The following PCDH11X variants were observed in gnomAD, a reference collection of about 807,000 sequenced individuals.
PCDH11X encodes protocadherin-11 X-linked.
Under a neutral mutation model 53.3 loss-of-function variants are expected in PCDH11X, and 18 were observed. The ratio of observed to expected loss-of-function variants is 0.34; its 90% CI spans 0.23 to 0.50. The LOEUF is 0.50. Among genes scored for constraint, PCDH11X ranks in the 20% least tolerant of loss-of-function variants. The pLI is 0.98. For missense variants in PCDH11X, 570 were observed against 1,032.4 expected, an observed-to-expected ratio of 0.55 and a Z score of 6.14; for synonymous variants, 279 against 393.3, an observed-to-expected ratio of 0.71 and a Z score of 3.44.
rs780482413 is a variant in PCDH11X at position 92,493,646 on chromosome X, C to CTTT, written c.3367+25340_3367+25342dup. 4.7e-3 allele frequency among the ~76,000 whole-genome samples: 393 copies of CTTT among 83,833 alleles called. 9 individuals are homozygous for CTTT. Among genetic ancestry groups the CTTT allele is most frequent in the Admixed American group, 0.014 (95 of 6,898 alleles). The allele number at this position is 83,833 out of a possible 115,157, so 72.8% of individuals were successfully genotyped here. A position where few individuals can be genotyped will look rare whatever the true frequency, so the allele number is the denominator to read the frequency against. ...ACTTACATAATGTTTGCCCCCTTAA[C>CTTT]TTTTTTTTTTTTTTTTTTGAGACAG... is the stretch of plus-strand genomic sequence containing the variant. On this transcript the variant is annotated intron_variant, in intron 10 of 10. Transcript: ENST00000682573.
Position 92,344,595 on chromosome X carries a change from G to A in PCDH11X, c.3145-43140G>A, listed in dbSNP as rs191754768. Among the ~76,000 whole-genome samples the A allele has an allele frequency of 4.9e-3, 504 of 101,819 alleles. 4 individuals carry two copies. The highest frequency in any genetic ancestry group is 0.016 in the African/African-American group (445 of 26,977). The allele number at this position is 101,819 out of a possible 115,157, so 88.4% of individuals were successfully genotyped here. A position where few individuals can be genotyped will look rare whatever the true frequency, so the allele number is the denominator to read the frequency against. ...CATAGTTGTACTATAGAATTGCATC[G>A]TAGAAATATTGTTGATCATAATAAC... is the stretch of plus-strand genomic sequence containing the variant. On this transcript the variant is annotated intron_variant, in intron 8 of 10. Coordinates refer to ENST00000682573, the MANE Select transcript of PCDH11X (RefSeq NM_032968.5).
chrX:92,297,567 T>C (rs1300155476), intron 8 of PCDH11X, among the ~76,000 whole-genome samples: 1 of 111,611 alleles, frequency 9.0e-6, no homozygotes, highest in African/African-American at 3.3e-5. Flanking sequence ...TAATATAGTT[T>C]GAAGTCGGGT....
intron 6 of PCDH11X, among the ~76,000 whole-genome samples, chrX:92,195,035 A>G (rs1416134616): frequency 9.0e-6 from 1 of 111,542 alleles, no homozygotes; most frequent in Non-Finnish European, 1.9e-5. Context: ...GACTCTGTTC[A>G]CAGAAGCCCT....
At chrX:92,038,455 C>T (rs779448828) in intron 6 of PCDH11X, among the ~76,000 whole-genome samples, 104 of 111,332 alleles carry the variant, frequency 9.3e-4, no homozygotes, top group African/African-American at 3.4e-3. Flanking sequence ...GCAGTATCCA[C>T]GTGGTATAGA....
intron 6 of PCDH11X, among the ~76,000 whole-genome samples, chrX:92,132,285 CAAAAAAAAAAAAAAAAAA>C (rs778221916): frequency 4.5e-4 from 4 of 8,854 alleles, no homozygotes; most frequent in African/African-American, 1.1e-3. Context: ...ACCTCTGTCT[CAAAAAAAAAAAAAAAAAA>C]AAAAAAAAAA....
chrX:92,558,752 G>A (rs1004015100), intron 10 of PCDH11X, among the ~76,000 whole-genome samples: 3 of 110,712 alleles, frequency 2.7e-5, no homozygotes, highest in Admixed American at 9.7e-5. Context: ...CTAGTGTTTT[G>A]TTTATATTTG....
At chrX:92,174,294 A>G (rs2148281033) in intron 6 of PCDH11X, among the ~76,000 whole-genome samples, 1 of 110,963 alleles carries the variant, frequency 9.0e-6, no homozygotes, top group South Asian at 3.8e-4. Flanking sequence ...AAAAGGTGAA[A>G]ATATTGCTGG....
chrX:92,481,725 C>T (rs2750804), intron 10 of PCDH11X, among the ~76,000 whole-genome samples: 1 of 111,808 alleles, frequency 8.9e-6, no homozygotes, highest in African/African-American at 3.3e-5. Context: ...CCTGACCATG[C>T]TCTGCTACAG....
intron 7 of PCDH11X, among the ~76,000 whole-genome samples, chrX:92,218,706 C>T (rs761881875): frequency 9.0e-6 from 1 of 111,547 alleles, no homozygotes; most frequent in East Asian, 2.8e-4. Flanking sequence ...ATGAGGCCAG[C>T]ATCATCCTGA....
intron 10 of PCDH11X, among the ~76,000 whole-genome samples, chrX:92,613,849 T>C (rs1927675799): frequency 9.1e-6 from 1 of 110,344 alleles, no homozygotes; most frequent in Non-Finnish European, 1.9e-5. Context: ...TAAAATTCTT[T>C]TCTTCTTTAT....
At chrX:92,250,949 T>C (rs1238621385) in intron 7 of PCDH11X, among the ~76,000 whole-genome samples, 5 of 110,466 alleles carry the variant, frequency 4.5e-5, no homozygotes, top group Non-Finnish European at 7.6e-5. Context: ...TCTGTGAATA[T>C]AGTAAAAAAA....
intron 10 of PCDH11X, among the ~76,000 whole-genome samples, chrX:92,496,396 A>T: frequency 9.4e-6 from 1 of 106,667 alleles, no homozygotes; most frequent in East Asian, 2.9e-4. Context: ...TGAAGATTAA[A>T]CAACTCTTTT....
chrX:92,542,234 C>T (rs1416637329), intron 10 of PCDH11X, among the ~76,000 whole-genome samples: 1 of 111,384 alleles, frequency 9.0e-6, no homozygotes, highest in African/African-American at 3.3e-5. Flanking sequence ...AGTATTTTGG[C>T]ATTGCAGAGA....
At chrX:92,153,555 G>A (rs1398605455) in intron 6 of PCDH11X, among the ~76,000 whole-genome samples, 4 of 111,395 alleles carry the variant, frequency 3.6e-5, no homozygotes, top group Non-Finnish European at 7.5e-5. Context: ...TCCTGTAGGT[G>A]ATTATTTTAC....
At chrX:92,098,287 G>A (rs1463001705) in intron 6 of PCDH11X, among the ~76,000 whole-genome samples, 2 of 111,517 alleles carry the variant, frequency 1.8e-5, no homozygotes, top group East Asian at 5.7e-4. Flanking sequence ...ACTAATTAAG[G>A]TGGAGGTAGA....
chrX:92,445,473 G>C (rs1486349540), intron 9 of PCDH11X, among the ~76,000 whole-genome samples: 2 of 103,967 alleles, frequency 1.9e-5, no homozygotes, highest in Non-Finnish European at 3.9e-5. Flanking sequence ...ATACAAGTTA[G>C]TTCCAACATG....
chrX:92,304,543 A>G (rs1247168136), intron 8 of PCDH11X, among the ~76,000 whole-genome samples: 4 of 111,868 alleles, frequency 3.6e-5, no homozygotes, highest in Admixed American at 1.9e-4. Context: ...AAAATAGACA[A>G]TATTGTATAA....
rs1014385323 is a variant in PCDH11X, at chrX:92,620,872, C to T, written c.*1932C>T. On this transcript the variant is annotated 3_prime_UTR_variant, in exon 11 of 11. Coordinates refer to ENST00000682573, the MANE Select transcript of PCDH11X (RefSeq NM_032968.5). ...TGGTTTTCCAGGTGCATGTGAATCC[C>T]GAAGGACTGATGATATTTGAATGTT... The T allele has an allele frequency of 1.9e-5, 2 of 107,820 alleles. No individual in the cohort carries two copies. The highest frequency in any genetic ancestry group is 6.9e-5 in the African/African-American group (2 of 28,945). 8.9% of individuals were successfully genotyped at this position (107,820 alleles called of 1,213,427 possible). A position where few individuals can be genotyped will look rare whatever the true frequency, so the allele number is the denominator to read the frequency against.
rs754500026 is a variant in PCDH11X, at chrX:92,037,789, G to A, written c.3033+158516G>A. 5.6e-4 allele frequency among the ~76,000 whole-genome samples: 62 copies of A among 110,971 alleles called. 1 individual carries two copies. The highest frequency in any genetic ancestry group is 2.0e-3 in the African/African-American group (61 of 30,497). On this transcript the variant is annotated intron_variant, in intron 6 of 10. Coordinates refer to ENST00000682573, the MANE Select transcript of PCDH11X (RefSeq NM_032968.5). ...TGGTTTCAATTTGTATTTCTCTAATGATCAGTGATGTTGAGGGTTTTTTGT... is the reference window on the plus strand; with the variant it reads ...TGGTTTCAATTTGTATTTCTCTAATAATCAGTGATGTTGAGGGTTTTTTGT...
Sources: gnomAD v4.1 joint callset for allele counts (sites outside exome capture counted in the v4.1 genomes callset) on GRCh38, gnomAD v4.1.1 for gene constraint, MANE v1.5 for transcripts, NCBI Gene and HGNC (gene_info 2026-07-23, HGNC 2026-07-21) for gene names.